OTC: variants seen among roughly 807,000 people sequenced by gnomAD.
OTC encodes the protein ornithine transcarbamylase, mitochondrial.
Under a neutral mutation model 30.3 loss-of-function variants are expected in OTC, and 3 were observed. The ratio of observed to expected loss-of-function variants is 0.10; its 90% CI spans 0.05 to 0.26. The LOEUF is 0.26. Among genes scored for constraint, OTC ranks in the 10% least tolerant of loss-of-function variants. The pLI, the probability that OTC is intolerant of heterozygous loss-of-function variation, is 1.00. For missense variants in OTC, 194 were observed against 260.3 expected (o/e 0.75, Z 1.75); for synonymous variants, 111 against 99.7 (o/e 1.11, Z -0.67).
At chrX:38,384,261 C>T (rs1380401925) in intron 4 of OTC, among the ~76,000 whole-genome samples, 1 of 111,610 alleles carries the variant, frequency 9.0e-6, no homozygotes, top group Non-Finnish European at 1.9e-5. Flanking sequence ...AGGAAATCCT[C>T]AGGGCACAAA....
the OTC span, among the ~76,000 whole-genome samples, chrX:38,328,777 G>A: frequency 2.7e-5 from 3 of 112,102 alleles, no homozygotes; most frequent in Non-Finnish European, 5.6e-5. Context: ...AGAATAAACT[G>A]GAGCAGTGAG....
At chrX:38,391,056 T>C (rs58451213) in intron 4 of OTC, among the ~76,000 whole-genome samples, 19,821 of 110,733 alleles carry the variant, frequency 0.18, 1,563 homozygotes, top group Middle Eastern at 0.25. Flanking sequence ...AACCATCCTT[T>C]TCATGGAGAG....
chrX:38,367,301 C>A lies in OTC; in HGVS notation c.88C>A (p.Pro30Thr). 8.3e-7 allele frequency: 1 copy of A among 1,207,714 alleles called. No individual in the cohort carries two copies. The highest frequency in any genetic ancestry group is 1.1e-6 in the Non-Finnish European group (1 of 891,872). Residue 30 changes from proline to threonine, a missense_variant, in exon 2 of 10, where the codon CCA becomes ACA. Coordinates refer to ENST00000039007, the MANE Select transcript of OTC (RefSeq NM_000531.6). ...AATCTCTTTTTACAGGTGTGGACAA[C>A]CACTACAAAATAAAGTGCAGCTGAA... ...FMVRNFRCGQ[P>T]LQNKVQLKGR...
At chrX:38,334,595 A>G in the OTC span, among the ~76,000 whole-genome samples, 1 of 112,567 alleles carries the variant, frequency 8.9e-6, no homozygotes, top group African/African-American at 3.2e-5. Context: ...CAGAAGCAAT[A>G]CATGTGTATT....
At chrX:38,396,090 T>G (rs968224154) in intron 4 of OTC, among the ~76,000 whole-genome samples, 1 of 107,474 alleles carries the variant, frequency 9.3e-6, no homozygotes, top group Non-Finnish European at 1.9e-5. Flanking sequence ...GTAGCTGGGA[T>G]TATAGGCACA....
At chrX:38,404,282 C>G (rs1262506577) in intron 6 of OTC, among the ~76,000 whole-genome samples, 1 of 112,238 alleles carries the variant, frequency 8.9e-6, no homozygotes, top group African/African-American at 3.2e-5. Flanking sequence ...CTGCATACTT[C>G]CTACCTTGCT....
At chrX:38,418,157 A>AT (rs1193123226) in intron 9 of OTC, among the ~76,000 whole-genome samples, 1 of 111,289 alleles carries the variant, frequency 9.0e-6, no homozygotes, top group Non-Finnish European at 1.9e-5. Flanking sequence ...CTTATCTTTC[A>AT]TTTTTTTAAA....
chrX:38,385,030 C>T (rs1023702355), intron 4 of OTC, among the ~76,000 whole-genome samples: 3 of 110,514 alleles, frequency 2.7e-5, no homozygotes, highest in Admixed American at 1.9e-4. Context: ...TTTGGGAAGC[C>T]GAGGGGCTGG....
chrX:38,360,866 C>A (rs923294617), intron 1 of OTC, among the ~76,000 whole-genome samples: 7 of 112,254 alleles, frequency 6.2e-5, no homozygotes, highest in Admixed American at 1.9e-4. Flanking sequence ...GGTCAGTGAC[C>A]AATTACATCA....
chrX:38,416,670 T>A (rs757849680), intron 9 of OTC, among the ~76,000 whole-genome samples: 12 of 112,336 alleles, frequency 1.1e-4, no homozygotes, highest in Non-Finnish European at 1.7e-4. Flanking sequence ...CAATGAATAA[T>A]TTTTAGTCTA....
At chrX:38,340,973 T>A in the OTC span, among the ~76,000 whole-genome samples, 2 of 110,986 alleles carry the variant, frequency 1.8e-5, no homozygotes, top group Admixed American at 9.6e-5. Context: ...ATTTTTTGTA[T>A]TTTTAGTAGA....
chrX:38,371,238 C>A (rs746923836), intron 3 of OTC, among the ~76,000 whole-genome samples: 1 of 112,180 alleles, frequency 8.9e-6, no homozygotes, highest in East Asian at 2.8e-4. Context: ...TATCCATGGA[C>A]TCTTCCAAAT....
chrX:38,355,223 T>A (rs751007343), intron 1 of OTC, among the ~76,000 whole-genome samples: 23 of 110,865 alleles, frequency 2.1e-4, no homozygotes, highest in African/African-American at 7.5e-4. Flanking sequence ...GTCAGTTAAA[T>A]TTTTTTTTAA....
chrX:38,373,518 A>G (rs1378437545), intron 3 of OTC: 2 of 112,821 alleles, frequency 1.8e-5, no homozygotes, highest in Non-Finnish European at 3.7e-5. Context: ...CAGTAAATGC[A>G]GTAGCTGATA....
intron 1 of OTC, among the ~76,000 whole-genome samples, chrX:38,354,517 ACCT>A (rs2147316481): frequency 9.1e-6 from 1 of 109,306 alleles, no homozygotes; most frequent in South Asian, 3.8e-4. Flanking sequence ...TGCAAGTAAA[ACCT>A]CCTCCAAACA....
chrX:38,378,686 CTTG>C (rs776869306), intron 3 of OTC, among the ~76,000 whole-genome samples: 3 of 112,377 alleles, frequency 2.7e-5, no homozygotes, highest in East Asian at 2.8e-4. Context: ...GAGGCCAGGA[CTTG>C]TTGTGTTGTG....
chrX:38,422,898 T>C (rs908606438), downstream of OTC, among the ~76,000 whole-genome samples: 1 of 112,124 alleles, frequency 8.9e-6, no homozygotes, highest in African/African-American at 3.2e-5. Flanking sequence ...CGCTTGCATC[T>C]TTGGTGTACA....
the OTC span, among the ~76,000 whole-genome samples, chrX:38,344,463 T>C: frequency 9.0e-6 from 1 of 111,716 alleles, no homozygotes; most frequent in East Asian, 2.8e-4. Context: ...TGAAGATTTT[T>C]GGGTCCTTCA....
intron 3 of OTC, among the ~76,000 whole-genome samples, chrX:38,377,211 T>G (rs1056725046): frequency 1.1e-4 from 12 of 112,140 alleles, no homozygotes; most frequent in Admixed American, 1.9e-4. Flanking sequence ...TGCTCCTGAA[T>G]GACCATTAAG....
Sources: gnomAD v4.1 joint callset for allele counts (sites outside exome capture counted in the v4.1 genomes callset) on GRCh38, gnomAD v4.1.1 for gene constraint, MANE v1.5 for transcripts, NCBI Gene and HGNC (gene_info 2026-07-23, HGNC 2026-07-21) for gene names.